The following WDPCP variants were observed in gnomAD, a reference collection of about 807,000 sequenced individuals.
The protein encoded by WDPCP is WD repeat containing planar cell polarity effector, also known as WD repeat-containing and planar cell polarity effector protein fritz homolog.
WDPCP carries 71 observed loss-of-function variants against 93.1 expected under a neutral mutation model. That is an observed-to-expected ratio of 0.76 (90% CI 0.63 to 0.93). The LOEUF (loss-of-function observed/expected upper bound fraction) is 0.93, where lower values mean the gene tolerates loss of function less well. Among genes scored for constraint, WDPCP ranks in the 40% least tolerant of loss-of-function variants. The pLI is 0.00. For synonymous variants in WDPCP, 315 were observed against 315.0 expected (o/e 1.00, Z 0.00); for missense variants, 844 against 887.4 (o/e 0.95, Z 0.62).
chr2:63,381,986 G>A lies in WDPCP; in HGVS notation c.1544C>T (p.Thr515Ile). Reference protein sequence around the residue: ...INILSSMNWDTLGHQCFISMS... With the variant: ...INILSSMNWDILGHQCFISMS... ...GCTGATAAAGCACTGGTGGCCCAGA[G>A]TGTCCCAGTTCATGCTGCTCAGGAT... Residue 515 changes from threonine (T) to isoleucine (I), a missense_variant, in exon 11 of 18, where the codon ACT becomes ATT. Transcript: ENST00000272321. 4 of 1,613,580 alleles carry A rather than the reference G, an allele frequency of 2.5e-6. No individual in the cohort carries two copies. The highest frequency in any genetic ancestry group is 3.4e-6 in the Non-Finnish European group (4 of 1,179,744).
In WDPCP at chr2:63,437,552, G is replaced by A; in HGVS notation, c.502C>T (p.Leu168Phe). The stretch of plus-strand genomic sequence containing the variant: ...AAGATGATAAAACTGTCTGTGAGAA[G>A]AGCTAAAAAACATAATTAGATATTA... ...KLISDTISDA[L>F]LTDSFIILSF... The change falls in exon 8 of 18, where the codon CTT becomes TTT. Residue 168 changes from leucine (L) to phenylalanine (F), a missense_variant and splice_region_variant. By Grantham distance (22) the Leu-to-Phe change is conservative. Transcript: ENST00000272321. 6.3e-7 allele frequency: 1 copy of A among 1,584,322 alleles called. No homozygotes were observed. The highest frequency in any genetic ancestry group is 8.6e-7 in the Non-Finnish European group (1 of 1,165,380).
At chr2:63,312,309 A>T (rs188774120) in intron 13 of WDPCP, among the ~76,000 whole-genome samples, 109 of 152,332 alleles carry the variant, frequency 7.2e-4, no homozygotes, top group Non-Finnish European at 1.4e-3. Context: ...CTTCATTTAA[A>T]CTACAAAATG....
intron 3 of WDPCP, among the ~76,000 whole-genome samples, chr2:63,598,735 G>T (rs1411437335): frequency 6.6e-6 from 1 of 152,096 alleles, no homozygotes; most frequent in Non-Finnish European, 1.5e-5. Flanking sequence ...AAGATTAGAA[G>T]ATTGTTCAGA....
At chr2:63,528,042 C>T (rs1483767467) in intron 1 of WDPCP, among the ~76,000 whole-genome samples, 1 of 151,950 alleles carries the variant, frequency 6.6e-6, no homozygotes, top group African/African-American at 2.4e-5. Flanking sequence ...CTATTCATAT[C>T]CTTCGCCCCC....
intron 1 of WDPCP, among the ~76,000 whole-genome samples, chr2:63,530,214 G>T (rs140152027): frequency 2.4e-3 from 370 of 152,180 alleles, no homozygotes; most frequent in African/African-American, 7.9e-3. Context: ...ATTCTGCTCT[G>T]ATCTTAGTTA....
intron 14 of WDPCP, among the ~76,000 whole-genome samples, chr2:63,209,256 G>T (rs1162042293): frequency 6.6e-6 from 1 of 152,090 alleles, no homozygotes; most frequent in Non-Finnish European, 1.5e-5. Flanking sequence ...CACACTTATT[G>T]TTCACCTTTC....
intron 13 of WDPCP, among the ~76,000 whole-genome samples, chr2:63,282,376 G>C (rs182259074): frequency 6.6e-6 from 1 of 152,090 alleles, no homozygotes; most frequent in African/African-American, 2.4e-5. Context: ...GTGGTGGTGC[G>C]TACCTGTAGT....
intron 14 of WDPCP, among the ~76,000 whole-genome samples, chr2:63,206,904 A>G (rs1332783468): frequency 2.0e-5 from 3 of 152,214 alleles, no homozygotes; most frequent in Admixed American, 6.5e-5. Flanking sequence ...AGTGTTGACT[A>G]TACTCACATT....
chr2:63,602,828 T>C lies in WDPCP; in HGVS notation n.488+47831A>G, dbSNP rs528421623. ...TCTTTTTCACTCAGTTTAATGCCTT[T>C]AAGATCCATCCAGGTTGTTGTTTGT... is the stretch of plus-strand genomic sequence containing the variant. On this transcript the variant is annotated intron_variant and non_coding_transcript_variant, in intron 3 of 4. Transcript: ENST00000467687. Among the ~76,000 whole-genome samples, 17 of 152,326 alleles carry C rather than the reference T, an allele frequency of 1.1e-4. No homozygotes were observed. In the South Asian group the frequency reaches 3.5e-3, roughly 32 times the overall value.
chr2:63,526,964 A>G (rs968134903), intron 1 of WDPCP, among the ~76,000 whole-genome samples: 5 of 152,216 alleles, frequency 3.3e-5, no homozygotes, highest in Admixed American at 3.3e-4. Context: ...GAGATTAGGG[A>G]AAAGAACACA....
chr2:63,673,236 T>A (rs182399599), intron 2 of WDPCP, among the ~76,000 whole-genome samples: 14 of 152,188 alleles, frequency 9.2e-5, no homozygotes, highest in African/African-American at 3.1e-4. Context: ...GAAAATAGTG[T>A]CAAATTGACT....
At chr2:63,754,903 G>A (rs1034920240) in intron 2 of WDPCP, among the ~76,000 whole-genome samples, 2 of 152,166 alleles carry the variant, frequency 1.3e-5, no homozygotes, top group Non-Finnish European at 2.9e-5. Context: ...GAATGGTTCT[G>A]GCTCAAGGTC....
chr2:63,509,418 G>A (rs1158960115), intron 1 of WDPCP, among the ~76,000 whole-genome samples: 1 of 152,086 alleles, frequency 6.6e-6, no homozygotes, highest in Non-Finnish European at 1.5e-5. Context: ...AGAATCTCTG[G>A]GACACAGCTA....
intron 12 of WDPCP, among the ~76,000 whole-genome samples, chr2:63,350,601 A>G (rs867724643): frequency 3.2e-4 from 48 of 152,178 alleles, no homozygotes; most frequent in African/African-American, 1.0e-3. Flanking sequence ...ACTGTGAGCT[A>G]CTGTCCATTT....
chr2:63,482,851 A>T (rs184140605), intron 6 of WDPCP, among the ~76,000 whole-genome samples: 28 of 152,072 alleles, frequency 1.8e-4, no homozygotes, highest in Non-Finnish European at 3.5e-4. Flanking sequence ...GAACAACAAA[A>T]AAAGATAAGT....
At chr2:63,606,072 A>G (rs746184677) in intron 3 of WDPCP, 3 of 1,523,058 alleles carry the variant, frequency 2.0e-6, no homozygotes, top group Admixed American at 3.3e-5. Flanking sequence ...GGAAGTAGTT[A>G]TATGTTTCTC....
intron 2 of WDPCP, among the ~76,000 whole-genome samples, chr2:63,651,700 T>C (rs930515903): frequency 1.3e-4 from 20 of 152,184 alleles, no homozygotes; most frequent in Admixed American, 1.3e-4. Flanking sequence ...TAATCATTAC[T>C]TAAAGTCAGC....
chr2:63,201,037 C>T (rs1247888361), intron 14 of WDPCP, among the ~76,000 whole-genome samples: 1 of 152,062 alleles, frequency 6.6e-6, no homozygotes, highest in Non-Finnish European at 1.5e-5. Context: ...ATTGTATTTC[C>T]CAATGTTGGA....
chr2:63,823,367 G>A (rs964361161), intron 1 of WDPCP, among the ~76,000 whole-genome samples: 30 of 151,978 alleles, frequency 2.0e-4, no homozygotes, highest in African/African-American at 7.3e-4. Flanking sequence ...TTAGCCAAGC[G>A]TGGTTGCACG....
Sources: allele counts gnomAD v4.1 joint callset (sites outside exome capture counted in the v4.1 genomes callset), GRCh38; gene constraint gnomAD v4.1.1; transcripts MANE v1.5; gene names NCBI Gene and HGNC (gene_info 2026-07-23, HGNC 2026-07-21).